Variants in GOLGA3 observed in about 807,000 individuals in gnomAD.
GOLGA3 encodes golgin subfamily A member 3.
Under a neutral mutation model 169.4 loss-of-function variants are expected in GOLGA3, and 75 were observed. The ratio of observed to expected loss-of-function variants is 0.44; its 90% CI spans 0.37 to 0.54. The LOEUF (loss-of-function observed/expected upper bound fraction) is 0.54, where lower values mean the gene tolerates loss of function less well. GOLGA3 is among the 20% of genes least tolerant of loss of function. The pLI, the probability that GOLGA3 is intolerant of heterozygous loss-of-function variation, is 0.00. For missense variants in GOLGA3, 1,899 were observed against 1,930.0 expected, an observed-to-expected ratio of 0.98 and a Z score of 0.30; for synonymous variants, 824 against 822.4, an observed-to-expected ratio of 1.00 and a Z score of -0.03.
Position 132,807,991 on chromosome 12 carries a change from A to T in GOLGA3, c.1078T>A (p.Ser360Thr). 6.2e-7 allele frequency: 1 copy of T among 1,612,850 alleles called. No homozygotes were observed. Among genetic ancestry groups the T allele is most frequent in the Non-Finnish European group, 8.5e-7 (1 of 1,179,582 alleles). Reference sequence around the variant, plus strand: ...GCGGCCTGGAGGACGTCCTTAATGGAGGGGAACTGGCCCAGGGTATCCGCA... The same window carrying T: ...GCGGCCTGGAGGACGTCCTTAATGGTGGGGAACTGGCCCAGGGTATCCGCA... The part of the protein sequence containing the change: ...IPADTLGQFP[S>T]IKDVLQAAAA... Residue 360 changes from serine to threonine, a missense_variant, in exon 5 of 24, where the codon TCC becomes ACC. Coordinates refer to ENST00000450791, the MANE Select transcript of GOLGA3 (RefSeq NM_001389683.1).
chr12:132,819,087 G>C (rs1008714785), intron 2 of GOLGA3, among the ~76,000 whole-genome samples: 4 of 152,096 alleles, frequency 2.6e-5, no homozygotes, highest in East Asian at 1.9e-4. Context: ...GACATGTGAG[G>C]GGGGAGGGAG....
chr12:132,800,311 T>A (rs529710845), intron 8 of GOLGA3, among the ~76,000 whole-genome samples: 1 of 152,170 alleles, frequency 6.6e-6, no homozygotes, highest in Admixed American at 6.6e-5. Flanking sequence ...TTGGCCAATA[T>A]GGTGAAACCC....
chr12:132,775,851 G>A (rs192077024), intron 21 of GOLGA3, among the ~76,000 whole-genome samples: 8 of 152,362 alleles, frequency 5.3e-5, no homozygotes, highest in Admixed American at 5.2e-4. Flanking sequence ...CGAACCCTGA[G>A]TTCTTTGTTG....
In GOLGA3 at chr12:132,771,740, A is replaced by T. The variant is rs1249396243; in HGVS notation, c.*1365T>A. 1 of 152,136 alleles carries T rather than the reference A, an allele frequency of 6.6e-6. No individual in the cohort carries two copies. The highest frequency in any genetic ancestry group is 1.5e-5 in the Non-Finnish European group (1 of 68,054). The allele number at this position is 152,136 out of a possible 1,614,324, so 9.4% of individuals were successfully genotyped here. Reference sequence around the variant, plus strand: ...GGCGCTCCCACAGACAATGGTAAAGATTTTCACTTGGGGAACAGGAGTGTG... The same window carrying T: ...GGCGCTCCCACAGACAATGGTAAAGTTTTTCACTTGGGGAACAGGAGTGTG... On this transcript the variant is annotated 3_prime_UTR_variant, in exon 24 of 24. Transcript: ENST00000450791.
chr12:132,786,286 C>T (rs994446236), intron 15 of GOLGA3, 53 bp downstream of exon 15: 2 of 1,266,750 alleles, frequency 1.6e-6, no homozygotes, highest in East Asian at 2.3e-5. Context: ...GAGAGCCCTT[C>T]CCTGCACTGA....
chr12:132,812,148 A>G (rs945926895), intron 4 of GOLGA3, among the ~76,000 whole-genome samples: 1 of 150,894 alleles, frequency 6.6e-6, no homozygotes, highest in African/African-American at 2.4e-5. Context: ...AGACTGCACC[A>G]CTACACACCT....
rs758382866 is a variant in GOLGA3 at position 132,784,167 on chromosome 12, G to A, written c.3264C>T (p.Asp1088=). 9.3e-6 allele frequency: 15 copies of A among 1,607,204 alleles called. No homozygotes were observed. The highest frequency in any genetic ancestry group is 1.3e-5 in the African/African-American group (1 of 74,932). Residue 1088 remains aspartate, a synonymous_variant, in exon 16 of 24, where the codon GAC becomes GAT. Coordinates refer to ENST00000450791, the MANE Select transcript of GOLGA3 (RefSeq NM_001389683.1). The part of the protein sequence containing the change: ...ESREKVLELE[D]ELQESRGFRK... The stretch of plus-strand genomic sequence containing the variant: ...ACAGCAGATGGCCAGGCCTCACCTC[G>A]TCCTCCAGCTCCAGCACCTTCTCCC...
Position 132,775,362 on chromosome 12 carries a change from G to T in GOLGA3, c.3979-57C>A, listed in dbSNP as rs2045168840. On this transcript the variant is annotated intron_variant, in intron 21 of 23. Coordinates refer to ENST00000450791, the MANE Select transcript of GOLGA3 (RefSeq NM_001389683.1). ...TAACAGATCTTAAACATCCTGCCAA[G>T]ATCCGAGTTTGTATTTTCATAGGTT... The T allele has an allele frequency of 3.4e-6, 5 of 1,473,018 alleles. No homozygotes were observed. The East Asian group carries it at 9.1e-5, about 27-fold the overall frequency. The allele number at this position is 1,473,018 out of a possible 1,614,324, so 91.2% of individuals were successfully genotyped here. A position where few individuals can be genotyped will look rare whatever the true frequency, so the allele number is the denominator to read the frequency against.
intron 5 of GOLGA3, 121 bp downstream of exon 5, chr12:132,807,770 C>T (rs1949483070): frequency 4.8e-6 from 1 of 206,642 alleles, no homozygotes; most frequent in Non-Finnish European, 9.6e-6. Flanking sequence ...GCCCACCCCG[C>T]CCCCTCTGTT....
chr12:132,774,049 T>C, intron 23 of GOLGA3, 108 bp downstream of exon 23: 2 of 1,039,304 alleles, frequency 1.9e-6, no homozygotes, highest in South Asian at 1.6e-5. Context: ...TATATAAACC[T>C]GCTGAAACTC....
chr12:132,818,069 CCCGCCCT>C (rs1950059910), intron 2 of GOLGA3, among the ~76,000 whole-genome samples: 1 of 147,028 alleles, frequency 6.8e-6, no homozygotes, highest in South Asian at 2.2e-4. Flanking sequence ...CTAACGTGAA[CCCGCCCT>C]CCACACCTCC....
At chr12:132,783,149 T>C (rs1027843634) in intron 16 of GOLGA3, among the ~76,000 whole-genome samples, 2 of 151,568 alleles carry the variant, frequency 1.3e-5, no homozygotes, top group African/African-American at 2.4e-5. Context: ...TGAGCCAAGA[T>C]TGTGCACTCC....
At chr12:132,779,178 C>T (rs1029955793) in intron 18 of GOLGA3, among the ~76,000 whole-genome samples, 1 of 152,134 alleles carries the variant, frequency 6.6e-6, no homozygotes, top group African/African-American at 2.4e-5. Flanking sequence ...CCTCCTGGTT[C>T]AAGCGATTCT....
intron 4 of GOLGA3, among the ~76,000 whole-genome samples, chr12:132,812,738 G>GCACC (rs1949778818): frequency 6.6e-6 from 1 of 152,202 alleles, no homozygotes; most frequent in Non-Finnish European, 1.5e-5. Context: ...CCATCAAATA[G>GCACC]CACCGCATGT....
intron 10 of GOLGA3, 85 bp downstream of exon 10, chr12:132,796,454 G>C: frequency 6.9e-7 from 1 of 1,445,248 alleles, no homozygotes; most frequent in South Asian, 1.3e-5. Flanking sequence ...CACAGCAGAG[G>C]ACTGCTCGGT....
chr12:132,782,578 G>GA (rs2045663798), intron 16 of GOLGA3, 85 bp from the exon 17 acceptor site: 1 of 1,117,922 alleles, frequency 8.9e-7, no homozygotes, highest in Non-Finnish European at 1.4e-6. Flanking sequence ...TTTTCAACAA[G>GA]AAACAGCGAA....
At position 132,784,301 on chromosome 12, in the gene GOLGA3, T is replaced by G; in HGVS notation, c.3130A>C (p.Ile1044Leu). 1 of 1,607,020 alleles carries G rather than the reference T, an allele frequency of 6.2e-7. No individual in the cohort carries two copies. The highest frequency in any genetic ancestry group is 8.5e-7 in the Non-Finnish European group (1 of 1,179,414). ...TGCAGCTCCGCCTCCAGGGCCTGGATCCTTTCCTAAGGGCCAAGATGGAAC... is the reference window on the plus strand; with the variant it reads ...TGCAGCTCCGCCTCCAGGGCCTGGAGCCTTTCCTAAGGGCCAAGATGGAAC... ...SDSSLALHER[I>L]QALEAELQAV... The change falls in exon 16 of 24, where the codon ATC becomes CTC. Residue 1044 changes from isoleucine (I) to leucine (L), a missense_variant. Ile to Leu is a conservative substitution (Grantham distance 5, BLOSUM62 2). Coordinates refer to ENST00000450791, the MANE Select transcript of GOLGA3 (RefSeq NM_001389683.1).
chr12:132,813,712 A>G (rs1949823761), intron 3 of GOLGA3, among the ~76,000 whole-genome samples: 1 of 143,312 alleles, frequency 7.0e-6, no homozygotes. Flanking sequence ...AGGAAATGGC[A>G]GCAAGTGCCT....
At chr12:132,774,079 G>T in intron 23 of GOLGA3, 78 bp downstream of exon 23, 1 of 1,328,360 alleles carries the variant, frequency 7.5e-7, no homozygotes, top group Non-Finnish European at 1.0e-6. Context: ...CTCAGTACTG[G>T]CACCAGGAGT....
Sources: allele counts gnomAD v4.1 joint callset (sites outside exome capture counted in the v4.1 genomes callset), GRCh38; gene constraint gnomAD v4.1.1; transcripts MANE v1.5; gene names NCBI Gene and HGNC (gene_info 2026-07-23, HGNC 2026-07-21).